Variants in DNASE1 observed in about 807,000 individuals in gnomAD.
DNASE1 encodes the protein deoxyribonuclease 1.
DNASE1 carries 40 observed loss-of-function variants against 33.9 expected under a neutral mutation model. The observed-to-expected ratio is 1.18, with a 90% CI of 0.92 to 1.54. The LOEUF is 1.54. Among genes scored for constraint, DNASE1 ranks in the 40% most tolerant of loss-of-function variants. DNASE1 has a pLI of 0.00. For synonymous variants in DNASE1, 216 were observed against 160.0 expected (o/e 1.35, Z -2.64); for missense variants, 518 against 372.6 (o/e 1.39, Z -3.21).
chr16:3,657,659 G>T (rs530508534), intron 7 of DNASE1, 61 bp from the exon 8 acceptor site: 4 of 1,603,366 alleles, frequency 2.5e-6, no homozygotes, highest in Admixed American at 3.4e-5. Flanking sequence ...AGTTCCTGCG[G>T]GTGCTGAGCC....
chr16:3,614,028 G>A (rs1567182247), intron 1 of DNASE1, among the ~76,000 whole-genome samples: 1 of 148,036 alleles, frequency 6.8e-6, no homozygotes, highest in Non-Finnish European at 1.5e-5. Context: ...TTCTCCTGCC[G>A]CAGTCTCCCG....
At position 3,617,326 on chromosome 16, in the gene DNASE1, CAA is replaced by C. The variant is rs56670885; in HGVS notation, c.-1359+5346_-1359+5347del. ...AGTCAACAAGAGCGAAACTCCATCT[CAA>C]AAAAAAAAAAAAAAAAAAAAAAAAA... On this transcript the variant is annotated intron_variant and NMD_transcript_variant, in intron 1 of 11. Coordinates refer to the DNASE1 transcript ENST00000570769. Among the ~76,000 whole-genome samples the C allele has an allele frequency of 8.3e-3, 475 of 57,540 alleles. 2 individuals carry two copies. The highest frequency in any genetic ancestry group is 0.035 in the African/African-American group (450 of 12,752). The allele number at this position is 57,540 out of a possible 152,430, so 37.7% of individuals were successfully genotyped here.
chr16:3,658,392 TTA>T, downstream of DNASE1: 1 of 651,408 alleles, frequency 1.5e-6, no homozygotes, highest in Non-Finnish European at 2.6e-6. Flanking sequence ...AGTGCTGGGA[TTA>T]CAGGCGTGAG....
At chr16:3,612,572 T>G (rs1596540032) in intron 1 of DNASE1, among the ~76,000 whole-genome samples, 3 of 95,576 alleles carry the variant, frequency 3.1e-5, no homozygotes, top group African/African-American at 8.9e-5. Flanking sequence ...TTTTTTTAAG[T>G]AGAGACGGGC....
In DNASE1 at chr16:3,655,394, G is replaced by A. The variant is rs767007240; in HGVS notation, c.21G>A (p.Leu7=). 1.9e-6 allele frequency: 3 copies of A among 1,614,024 alleles called. No homozygotes were observed. The highest frequency in any genetic ancestry group is 1.6e-4 in the Middle Eastern group (1 of 6,084). The change falls in exon 2 of 9, where the codon CTG becomes CTA. Residue 7 remains leucine, a synonymous_variant. Coordinates refer to ENST00000246949, the MANE Select transcript of DNASE1 (RefSeq NM_005223.4). The stretch of plus-strand genomic sequence containing the variant: ...CCAGGATGAGGGGCATGAAGCTGCT[G>A]GGGGCGCTGCTGGCACTGGCGGCCC... MRGMKL[L]GALLALAALL...
intron 1 of DNASE1, among the ~76,000 whole-genome samples, chr16:3,635,228 C>A (rs2041831333): frequency 6.6e-6 from 1 of 152,024 alleles, no homozygotes; most frequent in South Asian, 2.1e-4. Flanking sequence ...GAGGCTGAGG[C>A]AGATGGATCG....
At chr16:3,662,730 C>A, downstream of DNASE1, 1 of 742,492 alleles carries the variant, frequency 1.3e-6, no homozygotes, top group South Asian at 1.5e-5. Flanking sequence ...CAACACGTGC[C>A]GAGCAGGGAC....
chr16:3,641,809 TC>T (rs897055999), upstream of DNASE1, among the ~76,000 whole-genome samples: 1 of 152,136 alleles, frequency 6.6e-6, no homozygotes, highest in Admixed American at 6.5e-5. Context: ...TGCCTCAGTG[TC>T]CTGCACCCTA....
downstream of DNASE1, chr16:3,662,962 C>A (rs55766649): frequency 1.9e-6 from 3 of 1,608,904 alleles, no homozygotes; most frequent in East Asian, 4.5e-5. Flanking sequence ...GATAGGCACT[C>A]GGCGGCTGCG....
At chr16:3,617,555 C>A (rs1567184305) in intron 1 of DNASE1, among the ~76,000 whole-genome samples, 1 of 152,120 alleles carries the variant, frequency 6.6e-6, no homozygotes, top group Non-Finnish European at 1.5e-5. Context: ...TGATAAGAAT[C>A]TATGCTGCTG....
At chr16:3,644,387 AC>A (rs1288998316) in intron 1 of DNASE1, among the ~76,000 whole-genome samples, 2 of 152,104 alleles carry the variant, frequency 1.3e-5, no homozygotes, top group Non-Finnish European at 2.9e-5. Flanking sequence ...ACATGGTAAA[AC>A]CTTCTCTCTA....
chr16:3,642,042 C>G (rs1246953468), upstream of DNASE1, among the ~76,000 whole-genome samples: 1 of 152,228 alleles, frequency 6.6e-6, no homozygotes, highest in East Asian at 1.9e-4. Context: ...CATCATGGCA[C>G]TGGCAGTGGC....
exon 10 of DNASE1, chr16:3,663,308 G>T: frequency 1.4e-6 from 2 of 1,380,790 alleles, no homozygotes; most frequent in East Asian, 2.3e-5. Flanking sequence ...CTCTTCTCGG[G>T]GGTGGCTGAG....
At chr16:3,619,057 C>T (rs922095329) in intron 1 of DNASE1, among the ~76,000 whole-genome samples, 9 of 150,630 alleles carry the variant, frequency 6.0e-5, no homozygotes, top group African/African-American at 1.2e-4. Context: ...TTTTTTGAGA[C>T]GGGGTTACAC....
At chr16:3,631,080 T>C (rs943502618) in intron 1 of DNASE1, among the ~76,000 whole-genome samples, 1 of 152,142 alleles carries the variant, frequency 6.6e-6, no homozygotes, top group African/African-American at 2.4e-5. Context: ...TGGAGTGCAG[T>C]GGTGCAATCT....
chr16:3,637,951 G>A (rs1000462713), upstream of DNASE1, among the ~76,000 whole-genome samples: 1 of 152,154 alleles, frequency 6.6e-6, no homozygotes, highest in Admixed American at 6.5e-5. Context: ...GCTAAAAGGG[G>A]TTGTTTGCCA....
upstream of DNASE1, among the ~76,000 whole-genome samples, chr16:3,641,598 T>C (rs370946602): frequency 2.8e-4 from 42 of 152,306 alleles, no homozygotes; most frequent in East Asian, 5.6e-3. Context: ...GGCTTCTCCA[T>C]GTAGTTCAGC....
chr16:3,658,233 G>A (rs1176995416), downstream of DNASE1: 2 of 1,612,490 alleles, frequency 1.2e-6, no homozygotes, highest in Non-Finnish European at 1.7e-6. Context: ...TCGTATATCT[G>A]AAAGGCAAGA....
At chr16:3,660,294 GT>G (rs886444590), downstream of DNASE1, 14 of 152,214 alleles carry the variant, frequency 9.2e-5, 1 homozygote, top group Non-Finnish European at 1.6e-4. Context: ...CCTGTAAGCA[GT>G]TTTGAATTCT....
Sources: allele counts gnomAD v4.1 joint callset (sites outside exome capture counted in the v4.1 genomes callset), GRCh38; gene constraint gnomAD v4.1.1; transcripts MANE v1.5; gene names NCBI Gene and HGNC (gene_info 2026-07-23, HGNC 2026-07-21).